IQSEC3: variants seen among roughly 807,000 people sequenced by gnomAD.
IQSEC3 encodes the protein IQ motif and SEC7 domain-containing protein 3.
IQSEC3 carries 50 observed loss-of-function variants against 105.4 expected under a neutral mutation model. The ratio of observed to expected loss-of-function variants is 0.47; its 90% confidence interval spans 0.38 to 0.60. The LOEUF (loss-of-function observed/expected upper bound fraction) is 0.60, where lower values mean the gene tolerates loss of function less well. Among genes scored for constraint, IQSEC3 ranks in the 20% least tolerant of loss-of-function variants. The pLI is 0.00. For synonymous variants in IQSEC3, 708 were observed against 746.0 expected (o/e 0.95, Z 0.83); for missense variants, 1,415 against 1,630.0 (o/e 0.87, Z 2.27).
intron 5 of IQSEC3, among the ~76,000 whole-genome samples, chr12:155,778 A>G (rs1238532577): frequency 6.6e-6 from 1 of 152,150 alleles, no homozygotes; most frequent in African/African-American, 2.4e-5. Context: ...CCAGGGGACC[A>G]TGGGAGCAGA....
chr12:142,742 A>C (rs1426757898), intron 5 of IQSEC3: 1 of 152,186 alleles, frequency 6.6e-6, no homozygotes, highest in Non-Finnish European at 1.5e-5. Context: ...GGGCCCATGG[A>C]GGTGCTACTG....
rs563584375 is a variant in IQSEC3 at position 141,273 on chromosome 12, G to A, written c.2141G>A (p.Arg714His). The A allele has an allele frequency of 5.0e-6, 8 of 1,613,942 alleles. No individual in the cohort carries two copies. Among genetic ancestry groups the A allele is most frequent in the Middle Eastern group, 1.7e-4 (1 of 6,044 alleles). The change falls in exon 5 of 14, where the codon CGC (arginine) becomes CAC (histidine). Residue 714 changes from arginine (R) to histidine (H), a missense_variant. By Grantham distance (29) the Arg-to-His change is conservative (BLOSUM62 0). Transcript: ENST00000538872. ...GGCAACAGCAAGAAGCAGTTCAACC[G>A]CGACGTGCTGGAGTGAGTACCCCAC... Reference protein sequence around the residue: ...FLGNSKKQFNRDVLDCVVDEM... With the variant: ...FLGNSKKQFNHDVLDCVVDEM...
At chr12:83,420 CG>C (rs1555071223) in intron 1 of IQSEC3, among the ~76,000 whole-genome samples, 1 of 151,426 alleles carries the variant, frequency 6.6e-6, no homozygotes, top group Non-Finnish European at 1.5e-5. Flanking sequence ...AAGAAAAGTA[CG>C]GGGGTGGCTA....
intron 1 of IQSEC3, among the ~76,000 whole-genome samples, chr12:85,556 G>A (rs1048730499): frequency 1.3e-5 from 2 of 152,242 alleles, no homozygotes; most frequent in African/African-American, 4.8e-5. Context: ...TGGGCAGGAA[G>A]AGAGACAGTG....
At chr12:114,353 G>A (rs1258761042) in intron 2 of IQSEC3, among the ~76,000 whole-genome samples, 1 of 152,216 alleles carries the variant, frequency 6.6e-6, no homozygotes, top group Non-Finnish European at 1.5e-5. Flanking sequence ...TGAACAACAT[G>A]CTTGCCATAC....
chr12:174,443 C>T (rs1939164140), intron 13 of IQSEC3, among the ~76,000 whole-genome samples, 156 bp from the exon 14 acceptor site: 1 of 152,244 alleles, frequency 6.6e-6, no homozygotes, highest in Non-Finnish European at 1.5e-5. Flanking sequence ...AAGCCAGGGT[C>T]GCAACCCAGT....
intron 3 of IQSEC3, among the ~76,000 whole-genome samples, chr12:129,934 G>A (rs1187472843): frequency 6.6e-6 from 1 of 152,038 alleles, no homozygotes; most frequent in Non-Finnish European, 1.5e-5. Context: ...TTGCATCTTG[G>A]TTTCCTCATG....
At chr12:169,396 T>G (rs542996460) in intron 12 of IQSEC3, among the ~76,000 whole-genome samples, 4 of 152,330 alleles carry the variant, frequency 2.6e-5, no homozygotes, top group Admixed American at 2.0e-4. Context: ...CCTGGCATCC[T>G]GGCCCCTGCA....
chr12:160,217 G>C (rs2137045639), intron 7 of IQSEC3, among the ~76,000 whole-genome samples: 1 of 151,046 alleles, frequency 6.6e-6, no homozygotes, highest in South Asian at 2.1e-4. Context: ...TCCTGGTATA[G>C]ACTTTCCAAA....
At chr12:103,202 A>G (rs1199633069) in intron 2 of IQSEC3, among the ~76,000 whole-genome samples, 2 of 151,598 alleles carry the variant, frequency 1.3e-5, no homozygotes, top group Non-Finnish European at 2.9e-5. Flanking sequence ...GCTCTCAGTG[A>G]CAATGACCCG....
In IQSEC3 at chr12:138,994, G is replaced by A. The variant is rs782763872; in HGVS notation, c.1631G>A (p.Gly544Asp). The A allele has an allele frequency of 5.2e-6, 8 of 1,531,972 alleles. No homozygotes were observed. Among genetic ancestry groups the A allele is most frequent in the African/African-American group, 1.4e-5 (1 of 72,720 alleles). The allele number at this position is 1,531,972 out of a possible 1,614,324, so 94.9% of individuals were successfully genotyped here. A position where few individuals can be genotyped will look rare whatever the true frequency, so the allele number is the denominator to read the frequency against. Reference protein sequence around the residue: ...GREAPEAPAVGREDASAEDSC... With the variant: ...GREAPEAPAVDREDASAEDSC... ...GAGGCCCCGGAAGCCCCCGCCGTGG[G>A]CCGGGAGGACGCGTCAGCCGAGGAC... The change falls in exon 4 of 14, where the codon GGC (glycine) becomes GAC (aspartate). Residue 544 changes from glycine to aspartate, a missense_variant. Gly to Asp is a moderately conservative substitution (Grantham distance 94). This residue lies in a region of IQSEC3 where 720 missense variants were observed against 633.0 expected (regional missense o/e 1.14). Transcript: ENST00000538872. This position sits in a 1 kb window ranked among gnomAD's most constrained non-coding sequence, Gnocchi z 7.1.
intron 5 of IQSEC3, among the ~76,000 whole-genome samples, chr12:142,956 T>C (rs1866094042): frequency 6.6e-6 from 1 of 152,226 alleles, no homozygotes; most frequent in Non-Finnish European, 1.5e-5. Context: ...GGAGTGACTC[T>C]GCTTCACCCA....
intron 1 of IQSEC3, among the ~76,000 whole-genome samples, chr12:83,296 G>A (rs527947697): frequency 5.3e-5 from 8 of 152,092 alleles, no homozygotes; most frequent in Admixed American, 1.3e-4. Context: ...ACAGGGATTC[G>A]CGGTGAACAA....
At chr12:135,524 A>G (rs1865734770) in intron 3 of IQSEC3, among the ~76,000 whole-genome samples, 1 of 152,212 alleles carries the variant, frequency 6.6e-6, no homozygotes, top group South Asian at 2.1e-4. Flanking sequence ...CACATCCTAT[A>G]TAATCCCCTT....
intron 7 of IQSEC3, among the ~76,000 whole-genome samples, chr12:160,600 A>G (rs782177172): frequency 1.3e-5 from 2 of 152,100 alleles, no homozygotes; most frequent in African/African-American, 2.4e-5. Context: ...GTTCCAGAGA[A>G]TGGACCCCCA....
intron 13 of IQSEC3, among the ~76,000 whole-genome samples, chr12:172,885 G>A (rs1178538234): frequency 2.0e-5 from 3 of 152,220 alleles, no homozygotes; most frequent in Non-Finnish European, 2.9e-5. Flanking sequence ...ACCAGAGCAG[G>A]GGAGGTAAAC....
chr12:95,777 T>C (rs1864225036), intron 1 of IQSEC3, among the ~76,000 whole-genome samples: 1 of 152,202 alleles, frequency 6.6e-6, no homozygotes, highest in Non-Finnish European at 1.5e-5. Context: ...TGGAAATCCA[T>C]CCAGACTGAG....
intron 1 of IQSEC3, among the ~76,000 whole-genome samples, chr12:82,703 G>C (rs150160204): frequency 1.3e-5 from 2 of 152,112 alleles, no homozygotes; most frequent in African/African-American, 4.8e-5. Context: ...ACTTTCTCTC[G>C]ATGTGTCCTA....
At chr12:109,747 C>T (rs1303232816) in intron 2 of IQSEC3, among the ~76,000 whole-genome samples, 1 of 152,136 alleles carries the variant, frequency 6.6e-6, no homozygotes, top group African/African-American at 2.4e-5. Flanking sequence ...CCTCTCACTT[C>T]CTCTTGTACT....
Sources: gnomAD v4.1 joint callset for allele counts (sites outside exome capture counted in the v4.1 genomes callset) on GRCh38, gnomAD v4.1.1 for gene constraint, gnomAD v4.1.1 regional missense constraint, Gnocchi (gnomAD v3.1) non-coding constraint, MANE v1.5 for transcripts, NCBI Gene and HGNC (gene_info 2026-07-23, HGNC 2026-07-21) for gene names.